Variants in CWF19L2 observed in about 807,000 individuals in gnomAD.
CWF19L2 encodes the protein CWF19-like protein 2.
Under a neutral mutation model 111.7 loss-of-function variants are expected in CWF19L2, and 98 were observed. The observed-to-expected ratio is 0.88, with a 90% CI of 0.75 to 1.04. CWF19L2 has a LOEUF of 1.04. CWF19L2 is among the 50% of genes least tolerant of loss of function. The probability of loss-of-function intolerance (pLI) is 0.00; values close to 1 mark genes in which losing one functional copy is unlikely to be tolerated. For synonymous variants in CWF19L2, 351 were observed against 342.9 expected (o/e 1.02, Z -0.26); for missense variants, 1,101 against 1,051.4 (o/e 1.05, Z -0.65).
At chr11:107,341,790 G>A (rs1860008877) in intron 14 of CWF19L2, among the ~76,000 whole-genome samples, 1 of 151,994 alleles carries the variant, frequency 6.6e-6, no homozygotes. Context: ...TGTTCAAATT[G>A]TCTGTTTCAT....
At chr11:107,362,478 A>C (rs1591163935) in intron 12 of CWF19L2, among the ~76,000 whole-genome samples, 1 of 152,118 alleles carries the variant, frequency 6.6e-6, no homozygotes, top group Admixed American at 6.5e-5. Flanking sequence ...TGGAGATCTG[A>C]ATACGGGCAG....
chr11:107,347,752 A>G (rs1040877132), intron 14 of CWF19L2, among the ~76,000 whole-genome samples: 2 of 152,172 alleles, frequency 1.3e-5, no homozygotes, highest in South Asian at 2.1e-4. Context: ...TGTGTACTCA[A>G]TATCTGTTAA....
intron 14 of CWF19L2, among the ~76,000 whole-genome samples, chr11:107,343,672 T>A (rs1432456872): frequency 6.6e-6 from 1 of 152,172 alleles, no homozygotes; most frequent in African/African-American, 2.4e-5. Flanking sequence ...CGATGGTTAT[T>A]TGAACATTTT....
chr11:107,428,147 C>A (rs1365812343), intron 8 of CWF19L2, among the ~76,000 whole-genome samples: 1 of 152,028 alleles, frequency 6.6e-6, no homozygotes, highest in African/African-American at 2.4e-5. Flanking sequence ...ATTTCTAAAG[C>A]AAATTTTCTT....
intron 7 of CWF19L2, among the ~76,000 whole-genome samples, chr11:107,430,343 T>C (rs1268676799): frequency 1.3e-5 from 2 of 152,036 alleles, no homozygotes; most frequent in Admixed American, 1.3e-4. Flanking sequence ...TCATCCATAA[T>C]AATAAGTAAA....
intron 13 of CWF19L2, among the ~76,000 whole-genome samples, chr11:107,352,747 T>C (rs1860174746): frequency 6.6e-6 from 1 of 152,142 alleles, no homozygotes; most frequent in Non-Finnish European, 1.5e-5. Context: ...TGGACACTGA[T>C]GTAACCACCT....
chr11:107,357,606 T>C (rs138479740), intron 12 of CWF19L2, among the ~76,000 whole-genome samples: 541 of 152,336 alleles, frequency 3.6e-3, no homozygotes, highest in African/African-American at 0.012. Flanking sequence ...AATGATACAG[T>C]CTTGCCAATT....
chr11:107,383,350 A>G (rs559269), intron 12 of CWF19L2, among the ~76,000 whole-genome samples: 123,150 of 152,062 alleles, frequency 0.81, 50,449 homozygotes, highest in African/African-American at 0.93. Context: ...ACATCTTGCC[A>G]GTGTCCACTG....
At chr11:107,454,353 T>A in intron 3 of CWF19L2, 97 bp downstream of exon 3, 1 of 971,950 alleles carries the variant, frequency 1.0e-6, no homozygotes, top group South Asian at 3.8e-5. Context: ...TAGTAATATA[T>A]TTTTTACGTT....
chr11:107,377,809 T>G (rs1250969573), intron 12 of CWF19L2, among the ~76,000 whole-genome samples: 1 of 132,476 alleles, frequency 7.5e-6, no homozygotes, highest in Non-Finnish European at 1.6e-5. Context: ...CAAAAGAAAC[T>G]ACCATCAGAG....
chr11:107,406,218 C>T (rs182746564), intron 10 of CWF19L2, among the ~76,000 whole-genome samples: 108 of 152,314 alleles, frequency 7.1e-4, no homozygotes, highest in Non-Finnish European at 1.2e-3. Flanking sequence ...GCAAAACTCT[C>T]CTACTAAATC....
intron 10 of CWF19L2, among the ~76,000 whole-genome samples, chr11:107,413,596 T>C (rs188467404): frequency 6.6e-6 from 1 of 152,188 alleles, no homozygotes. Context: ...AAAACAATAA[T>C]TTGGCAAAAG....
chr11:107,404,293 A>G, intron 10 of CWF19L2: 1 of 783,594 alleles, frequency 1.3e-6, no homozygotes, highest in Non-Finnish European at 2.4e-6. Context: ...TGCCACCAAT[A>G]ATCTTGCCAG....
intron 16 of CWF19L2, among the ~76,000 whole-genome samples, chr11:107,331,440 GAT>G (rs1407965929): frequency 6.6e-6 from 1 of 152,210 alleles, no homozygotes; most frequent in Non-Finnish European, 1.5e-5. Context: ...TAATAAGAGA[GAT>G]AGGAAGGTCA....
intron 3 of CWF19L2, among the ~76,000 whole-genome samples, chr11:107,452,077 C>A (rs1861785590): frequency 6.6e-6 from 1 of 152,140 alleles, no homozygotes; most frequent in African/African-American, 2.4e-5. Flanking sequence ...GTCCTAGCTA[C>A]TGAAATAAGG....
intron 10 of CWF19L2, among the ~76,000 whole-genome samples, chr11:107,406,441 G>C (rs1225271227): frequency 6.6e-6 from 1 of 152,196 alleles, no homozygotes; most frequent in East Asian, 1.9e-4. Flanking sequence ...ACAAGTACCT[G>C]GCCAAGGCAG....
intron 12 of CWF19L2, among the ~76,000 whole-genome samples, chr11:107,387,024 A>T (rs934160260): frequency 4.0e-5 from 6 of 151,616 alleles, no homozygotes; most frequent in Non-Finnish European, 8.8e-5. Flanking sequence ...ACTGCACTCC[A>T]GCCTGGTGAC....
intron 8 of CWF19L2, among the ~76,000 whole-genome samples, chr11:107,420,036 A>T (rs898821153): frequency 1.3e-5 from 2 of 151,326 alleles, no homozygotes; most frequent in African/African-American, 2.4e-5. Context: ...ACCACTATTT[A>T]AAAAAAAATA....
At chr11:107,426,618 G>A (rs1355014307) in intron 8 of CWF19L2, among the ~76,000 whole-genome samples, 1 of 151,592 alleles carries the variant, frequency 6.6e-6, no homozygotes, top group Non-Finnish European at 1.5e-5. Flanking sequence ...GTTTTACAAT[G>A]GAGTATTAAA....
Sources: allele counts gnomAD v4.1 joint callset (sites outside exome capture counted in the v4.1 genomes callset), GRCh38; gene constraint gnomAD v4.1.1; transcripts MANE v1.5; gene names NCBI Gene and HGNC (gene_info 2026-07-23, HGNC 2026-07-21).